SLC4A4: variants seen among roughly 807,000 people sequenced by gnomAD.
The protein encoded by SLC4A4 is electrogenic sodium bicarbonate cotransporter 1.
A neutral mutation model predicts 111.5 loss-of-function variants in SLC4A4; 27 were observed. That is an observed-to-expected ratio of 0.24 (90% CI 0.18 to 0.33). The LOEUF (loss-of-function observed/expected upper bound fraction) is 0.33. Among genes scored for constraint, SLC4A4 ranks in the 10% least tolerant of loss-of-function variants. SLC4A4 has a pLI of 1.00. For missense variants in SLC4A4, 909 were observed against 1,315.5 expected (o/e 0.69, Z 4.78); for synonymous variants, 443 against 463.4 (o/e 0.96, Z 0.57).
chr4:71,457,643 G>A (rs1159071405), intron 12 of SLC4A4, among the ~76,000 whole-genome samples: 1 of 151,990 alleles, frequency 6.6e-6, no homozygotes, highest in African/African-American at 2.4e-5. Flanking sequence ...TTAATACTCT[G>A]GTCTCCTTGC....
intron 2 of SLC4A4, among the ~76,000 whole-genome samples, chr4:71,108,744 T>A (rs1010941423): frequency 6.6e-6 from 1 of 152,148 alleles, no homozygotes; most frequent in African/African-American, 2.4e-5. Flanking sequence ...CCTTTCTCTC[T>A]CTCTCTTCTC....
chr4:71,137,620 G>A (rs1461232956), intron 2 of SLC4A4, among the ~76,000 whole-genome samples: 1 of 152,146 alleles, frequency 6.6e-6, no homozygotes, highest in East Asian at 1.9e-4. Context: ...TTTGCTTTCT[G>A]CAAATTTCAT....
At chr4:71,409,998 CGCACAGAAGTCAAGAATTGAGGT>C (rs1721219737) in intron 7 of SLC4A4, among the ~76,000 whole-genome samples, 1 of 152,194 alleles carries the variant, frequency 6.6e-6, no homozygotes, top group African/African-American at 2.4e-5. Context: ...AGCCTGCGAG[CGCACAGAAGTCAAGAATTGAGGT>C]TTGGGAACCT....
intron 2 of SLC4A4, among the ~76,000 whole-genome samples, chr4:71,133,865 C>T (rs1743775275): frequency 6.6e-6 from 1 of 152,196 alleles, no homozygotes; most frequent in Non-Finnish European, 1.5e-5. Context: ...AGGACTGAAA[C>T]TCTTCTTTTC....
intron 2 of SLC4A4, among the ~76,000 whole-genome samples, chr4:71,180,628 T>C (rs1212657520): frequency 6.6e-6 from 1 of 152,096 alleles, no homozygotes; most frequent in Non-Finnish European, 1.5e-5. Flanking sequence ...ATCAGAGAAA[T>C]GCAAATCAAA....
At chr4:71,423,789 T>G (rs1722802156) in intron 7 of SLC4A4, among the ~76,000 whole-genome samples, 1 of 152,232 alleles carries the variant, frequency 6.6e-6, no homozygotes, top group African/African-American at 2.4e-5. Flanking sequence ...GCTAGCCATA[T>G]GTAGAAAGCT....
At chr4:71,364,221 C>T (rs1195708001) in intron 6 of SLC4A4, among the ~76,000 whole-genome samples, 1 of 152,122 alleles carries the variant, frequency 6.6e-6, no homozygotes, top group Non-Finnish European at 1.5e-5. Context: ...AGGTTTCATT[C>T]AATTCTTTGG....
chr4:71,401,281 C>T (rs1235791812), intron 7 of SLC4A4, among the ~76,000 whole-genome samples: 1 of 152,166 alleles, frequency 6.6e-6, no homozygotes, highest in Non-Finnish European at 1.5e-5. Context: ...TATGTGCTTA[C>T]GATTTCAGTA....
intron 6 of SLC4A4, among the ~76,000 whole-genome samples, chr4:71,361,714 T>A (rs1210417122): frequency 6.6e-6 from 1 of 152,204 alleles, no homozygotes; most frequent in Non-Finnish European, 1.5e-5. Context: ...AATAATTTGG[T>A]CTGAGATACT....
intron 2 of SLC4A4, among the ~76,000 whole-genome samples, chr4:71,130,067 C>T (rs116111543): frequency 0.012 from 1,891 of 152,212 alleles, 35 homozygotes; most frequent in African/African-American, 0.043. Context: ...GTAATCTGTA[C>T]ACCAAACCCT....
chr4:71,474,650 C>G (rs1439756999), intron 14 of SLC4A4, among the ~76,000 whole-genome samples: 1 of 151,764 alleles, frequency 6.6e-6, no homozygotes, highest in Non-Finnish European at 1.5e-5. Flanking sequence ...GCTGTGTGCT[C>G]ATGGATTCTT....
At chr4:71,094,640 T>A (rs895596504) in intron 2 of SLC4A4, among the ~76,000 whole-genome samples, 2 of 152,228 alleles carry the variant, frequency 1.3e-5, no homozygotes, top group African/African-American at 4.8e-5. Flanking sequence ...TCCCAATATG[T>A]TAACAGGAAA....
intron 1 of SLC4A4, among the ~76,000 whole-genome samples, chr4:71,207,256 C>T (rs1439763781): frequency 1.3e-5 from 2 of 152,122 alleles, no homozygotes; most frequent in Non-Finnish European, 2.9e-5. Context: ...TGAGAATTGA[C>T]GATTTGTTTT....
At chr4:71,557,656 A>G in intron 21 of SLC4A4, 56 bp from the exon 22 acceptor site, 2 of 1,521,630 alleles carry the variant, frequency 1.3e-6, no homozygotes, top group African/African-American at 1.4e-5. Flanking sequence ...TTAGTTAGGC[A>G]TAGTGGAAAT....
chr4:71,446,232 C>T (rs1725216479), intron 8 of SLC4A4, among the ~76,000 whole-genome samples: 1 of 152,010 alleles, frequency 6.6e-6, no homozygotes, highest in African/African-American at 2.4e-5. Context: ...CAGACCCAAA[C>T]ATTTTTTAAA....
At chr4:71,480,762 T>A (rs973143279) in intron 14 of SLC4A4, among the ~76,000 whole-genome samples, 1 of 151,778 alleles carries the variant, frequency 6.6e-6, no homozygotes, top group Non-Finnish European at 1.5e-5. Context: ...CACATCGGGT[T>A]AATCAGTGCC....
rs536037676 is a variant in SLC4A4, at chr4:71,149,598, C to G, written c.-2+56806C>G. ...TAAGGAGGCACTTTCTACTTTATTT[C>G]TCATCATTTATGTGTTCAACAAATG... is the stretch of plus-strand genomic sequence containing the variant. On this transcript the variant is annotated intron_variant, in intron 2 of 26. Coordinates refer to the SLC4A4 transcript ENST00000649996. Among the ~76,000 whole-genome samples the G allele has an allele frequency of 2.6e-5, 4 of 152,258 alleles. No homozygotes were observed. In the East Asian group the frequency reaches 5.8e-4, roughly 22 times the overall value.
At position 71,267,680 on chromosome 4, in the gene SLC4A4, G is replaced by C. The variant is rs1484621027; in HGVS notation, c.253+12281G>C. Among the ~76,000 whole-genome samples, 3 of 149,892 alleles carry C rather than the reference G, an allele frequency of 2.0e-5. No individual in the cohort carries two copies. The Admixed American group carries it at 2.0e-4, about 10-fold the overall frequency. ...GTGGCAGTGTGTGCCTGTAGTCCTA[G>C]CTACTCAGGAGGCTGAGGTACGAGA... On this transcript the variant is annotated intron_variant, in intron 3 of 25. Coordinates refer to ENST00000264485, the MANE Select transcript of SLC4A4 (RefSeq NM_001098484.3).
chr4:71,493,637 C>T (rs1038571675), intron 15 of SLC4A4, among the ~76,000 whole-genome samples: 1 of 151,820 alleles, frequency 6.6e-6, no homozygotes, highest in East Asian at 1.9e-4. Flanking sequence ...TGGGACGTCT[C>T]TCTCTCTGTC....
Sources: gnomAD v4.1 joint callset for allele counts (sites outside exome capture counted in the v4.1 genomes callset) on GRCh38, gnomAD v4.1.1 for gene constraint, MANE v1.5 for transcripts, NCBI Gene and HGNC (gene_info 2026-07-23, HGNC 2026-07-21) for gene names.